EIPR1: variants seen among roughly 807,000 people sequenced by gnomAD.
EIPR1 encodes EARP and GARP complex-interacting protein 1.
A neutral mutation model predicts 48.1 loss-of-function variants in EIPR1; 25 were observed. The observed-to-expected ratio is 0.52, with a 90% CI of 0.38 to 0.73. The LOEUF is 0.73. EIPR1 is among the 30% of genes least tolerant of loss of function. The probability of loss-of-function intolerance (pLI) is 0.00; values close to 1 mark genes in which losing one functional copy is unlikely to be tolerated. For synonymous variants in EIPR1, 204 were observed against 201.9 expected, an observed-to-expected ratio of 1.01 and a Z score of -0.09; for missense variants, 415 against 506.2, an observed-to-expected ratio of 0.82 and a Z score of 1.73.
At chr2:3,257,908 C>T (rs1373430763) in intron 3 of EIPR1, among the ~76,000 whole-genome samples, 5 of 152,176 alleles carry the variant, frequency 3.3e-5, no homozygotes, top group African/African-American at 4.8e-5. Flanking sequence ...ATATTCCATT[C>T]GGAAATCCTG....
chr2:3,278,155 C>T (rs574995912), intron 3 of EIPR1, among the ~76,000 whole-genome samples: 8 of 152,314 alleles, frequency 5.3e-5, no homozygotes, highest in African/African-American at 1.4e-4. Flanking sequence ...ACTCCAGGTA[C>T]GAGGCACAGG....
intron 1 of EIPR1, among the ~76,000 whole-genome samples, chr2:3,370,543 A>G (rs1276505834): frequency 6.6e-6 from 1 of 152,226 alleles, no homozygotes; most frequent in Non-Finnish European, 1.5e-5. Flanking sequence ...AAGTGCTTAA[A>G]GGAGCTGATG....
rs547729024 is a variant in EIPR1 at position 3,200,048 on chromosome 2, G to T, written c.517-3031C>A. Reference sequence around the variant, plus strand: ...GTCCACATCTGGGTACAGACAAGGGGGTTAGGGCTGAGGTGGCACCTGGGG... The same window carrying T: ...GTCCACATCTGGGTACAGACAAGGGTGTTAGGGCTGAGGTGGCACCTGGGG... On this transcript the variant is annotated intron_variant, in intron 5 of 8. Transcript: ENST00000382125. Among the ~76,000 whole-genome samples the T allele has an allele frequency of 5.9e-5, 9 of 152,218 alleles. No individual in the cohort carries two copies. In the East Asian group the frequency reaches 1.7e-3, roughly 29 times the overall value.
intron 3 of EIPR1, among the ~76,000 whole-genome samples, chr2:3,302,825 G>C (rs1668801060): frequency 6.6e-6 from 1 of 152,246 alleles, no homozygotes; most frequent in Non-Finnish European, 1.5e-5. Context: ...CTGAGCTCGG[G>C]GCGCTCCAGC....
intron 1 of EIPR1, among the ~76,000 whole-genome samples, chr2:3,373,382 G>T (rs1163660345): frequency 6.6e-6 from 1 of 152,100 alleles, no homozygotes; most frequent in Non-Finnish European, 1.5e-5. Context: ...TCTGGCCAGG[G>T]CAATTAGGCA....
chr2:3,233,869 A>G (rs1393184879), intron 4 of EIPR1, among the ~76,000 whole-genome samples: 2 of 152,196 alleles, frequency 1.3e-5, no homozygotes, highest in Non-Finnish European at 2.9e-5. Context: ...AAAAATCTCA[A>G]AGATAGGAGT....
intron 2 of EIPR1, among the ~76,000 whole-genome samples, chr2:3,350,639 T>TA (rs1272870612): frequency 6.6e-6 from 1 of 152,188 alleles, no homozygotes; most frequent in Non-Finnish European, 1.5e-5. Flanking sequence ...TTCTATGAAG[T>TA]AAGCATTTGT....
chr2:3,274,591 G>A (rs1486023848), intron 3 of EIPR1, among the ~76,000 whole-genome samples: 1 of 151,686 alleles, frequency 6.6e-6, no homozygotes, highest in Non-Finnish European at 1.5e-5. Context: ...GGACATATTT[G>A]GAAAATAAAG....
intron 4 of EIPR1, among the ~76,000 whole-genome samples, chr2:3,235,437 C>T (rs1253335990): frequency 3.5e-5 from 2 of 56,516 alleles, no homozygotes; most frequent in Non-Finnish European, 8.1e-5. Flanking sequence ...CACACACACA[C>T]ACGCGTGCGC....
intron 3 of EIPR1, among the ~76,000 whole-genome samples, chr2:3,335,112 G>A (rs1670004649): frequency 6.6e-6 from 1 of 152,178 alleles, no homozygotes; most frequent in South Asian, 2.1e-4. Flanking sequence ...ACAACCCCAG[G>A]AGCCACATGA....
At chr2:3,370,644 G>T (rs1255070292) in intron 1 of EIPR1, among the ~76,000 whole-genome samples, 6 of 152,184 alleles carry the variant, frequency 3.9e-5, no homozygotes, top group African/African-American at 1.4e-4. Flanking sequence ...ATCAGTGATG[G>T]AAGATGAAAT....
At position 3,312,792 on chromosome 2, in the gene EIPR1, C is replaced by T. The variant is rs114267578; in HGVS notation, c.259+25225G>A. 3.9e-3 allele frequency among the ~76,000 whole-genome samples: 597 copies of T among 152,188 alleles called. 5 individuals carry two copies. The highest frequency in any genetic ancestry group is 0.01 in the African/African-American group (427 of 41,516). ...CCTCTGCTGGTCTGTGACATGAGCA[C>T]GTCATGGCCTGACCACCGCTGTGGG... On this transcript the variant is annotated intron_variant, in intron 3 of 8. Coordinates refer to ENST00000382125, the MANE Select transcript of EIPR1 (RefSeq NM_003310.5). This position sits in a 1 kb window ranked among gnomAD's most constrained non-coding sequence, Gnocchi z 5.5.
chr2:3,334,086 G>C (rs1026993338), intron 3 of EIPR1, among the ~76,000 whole-genome samples: 1 of 152,182 alleles, frequency 6.6e-6, no homozygotes, highest in African/African-American at 2.4e-5. Context: ...ACACACGTGG[G>C]TCTCCAAGTA....
intron 8 of EIPR1, among the ~76,000 whole-genome samples, chr2:3,190,670 G>A (rs528508551): frequency 1.3e-5 from 2 of 152,276 alleles, no homozygotes; most frequent in African/African-American, 2.4e-5. Flanking sequence ...CAGACATGGT[G>A]AGGAAGTGCA....
At chr2:3,368,511 C>T (rs966754037) in intron 1 of EIPR1, among the ~76,000 whole-genome samples, 5 of 152,190 alleles carry the variant, frequency 3.3e-5, no homozygotes, top group African/African-American at 1.2e-4. Flanking sequence ...ATGCCTGCCC[C>T]CAGACCTACA....
intron 3 of EIPR1, among the ~76,000 whole-genome samples, chr2:3,285,563 G>C (rs1668157534): frequency 6.6e-6 from 1 of 152,220 alleles, no homozygotes; most frequent in African/African-American, 2.4e-5. Flanking sequence ...AGAAAGCTCT[G>C]CCGACCACAT....
chr2:3,298,907 A>C (rs1668678746), intron 3 of EIPR1, among the ~76,000 whole-genome samples: 1 of 152,168 alleles, frequency 6.6e-6, no homozygotes, highest in South Asian at 2.1e-4. Context: ...CTTCCAGGGG[A>C]CATCGTCTGA....
chr2:3,324,061 A>C (rs1034581951), intron 3 of EIPR1, among the ~76,000 whole-genome samples: 36 of 152,216 alleles, frequency 2.4e-4, no homozygotes, highest in African/African-American at 8.2e-4. Context: ...ACATAACAAA[A>C]GCATGTTATG....
chr2:3,293,882 A>G (rs779472887), intron 3 of EIPR1, among the ~76,000 whole-genome samples: 9 of 152,168 alleles, frequency 5.9e-5, no homozygotes, highest in Non-Finnish European at 1.3e-4. Context: ...CTGTGAAGCT[A>G]CAGAAACCAC....
Sources: gnomAD v4.1 joint callset for allele counts (sites outside exome capture counted in the v4.1 genomes callset) on GRCh38, gnomAD v4.1.1 for gene constraint, Gnocchi (gnomAD v3.1) non-coding constraint, MANE v1.5 for transcripts, NCBI Gene and HGNC (gene_info 2026-07-23, HGNC 2026-07-21) for gene names.